The following UBR2 variants were observed in gnomAD, a reference collection of about 807,000 sequenced individuals.
The protein encoded by UBR2 is E3 ubiquitin-protein ligase UBR2.
In UBR2, 92 loss-of-function variants were observed where a neutral mutation model predicts 247.9. The ratio of observed to expected loss-of-function variants is 0.37; its 90% CI spans 0.31 to 0.44. The LOEUF is 0.44. UBR2 is among the 20% of genes least tolerant of loss of function. The pLI is 1.00. For missense variants in UBR2, 1,613 were observed against 2,112.6 expected, an observed-to-expected ratio of 0.76 and a Z score of 4.64; for synonymous variants, 672 against 693.5, an observed-to-expected ratio of 0.97 and a Z score of 0.49.
chr6:42,613,151 G>T (rs756252127), intron 8 of UBR2, among the ~76,000 whole-genome samples: 1 of 151,734 alleles, frequency 6.6e-6, no homozygotes, highest in African/African-American at 2.4e-5. Flanking sequence ...TTCTCTTTAT[G>T]TAATGGTAAG....
chr6:42,683,028 GT>G (rs34240626), intron 42 of UBR2, 26 bp from the exon 43 acceptor site: 3 of 1,603,038 alleles, frequency 1.9e-6, no homozygotes, highest in Non-Finnish European at 1.7e-6. Flanking sequence ...AGTGTTTTGT[GT>G]TTTTCCCCCT....
chr6:42,605,598 T>C (rs1286813749), intron 5 of UBR2, 123 bp from the exon 6 acceptor site: 2 of 785,030 alleles, frequency 2.5e-6, no homozygotes, highest in East Asian at 5.7e-5. Flanking sequence ...CACAGATGAA[T>C]TCTTTACAGA....
chr6:42,566,819 C>T (rs1790807924), intron 1 of UBR2, among the ~76,000 whole-genome samples: 1 of 151,930 alleles, frequency 6.6e-6, no homozygotes, highest in Non-Finnish European at 1.5e-5. Flanking sequence ...GCAGCCTTGA[C>T]CTCCTAGGCT....
chr6:42,651,969 G>C, intron 23 of UBR2, 54 bp from the exon 24 acceptor site: 1 of 1,503,088 alleles, frequency 6.7e-7, no homozygotes, highest in Admixed American at 2.2e-5. Context: ...AATTAACCAG[G>C]TGTGGTGGTG....
At chr6:42,671,917 A>C (rs947829734) in intron 36 of UBR2, among the ~76,000 whole-genome samples, 1 of 152,062 alleles carries the variant, frequency 6.6e-6, no homozygotes, top group African/African-American at 2.4e-5. Flanking sequence ...ATCTCTGCCT[A>C]TTTTTTTAAC....
intron 4 of UBR2, among the ~76,000 whole-genome samples, chr6:42,598,511 C>T (rs563604627): frequency 1.1e-4 from 17 of 152,256 alleles, no homozygotes; most frequent in Admixed American, 4.6e-4. Context: ...ATGTCACTAG[C>T]ATCTTCCACT....
At chr6:42,668,564 C>T (rs1329880835) in intron 34 of UBR2, among the ~76,000 whole-genome samples, 1 of 152,032 alleles carries the variant, frequency 6.6e-6, no homozygotes, top group Non-Finnish European at 1.5e-5. Context: ...CTCAGCCTCC[C>T]AAGTAGCTGG....
Position 42,564,162 on chromosome 6 carries a change from C to T in UBR2, c.-158C>T. 1 of 774,048 alleles carries T rather than the reference C, an allele frequency of 1.3e-6. No individual in the cohort carries two copies. Among genetic ancestry groups the T allele is most frequent in the African/African-American group, 1.8e-5 (1 of 55,192 alleles). The allele number at this position is 774,048 out of a possible 1,614,324, so 47.9% of individuals were successfully genotyped here. A position where few individuals can be genotyped will look rare whatever the true frequency, so the allele number is the denominator to read the frequency against. On this transcript the variant is annotated 5_prime_UTR_variant, in exon 1 of 47. Transcript: ENST00000372901. ...AGGCCGCTGTCCTTCCTTTCCGGTT[C>T]ACGTCACCCTTCTCTCCCTCTGTTG...
intron 42 of UBR2, 127 bp from the exon 43 acceptor site, chr6:42,682,928 C>G (rs983211981): frequency 6.7e-6 from 5 of 742,822 alleles, no homozygotes; most frequent in South Asian, 3.7e-5. Context: ...CTACAGGTTT[C>G]TTTTGATGAA....
intron 34 of UBR2, among the ~76,000 whole-genome samples, chr6:42,666,890 C>G (rs1016483882): frequency 6.6e-6 from 1 of 152,182 alleles, no homozygotes; most frequent in African/African-American, 2.4e-5. Context: ...AGCTGTGCAA[C>G]TTTGGGCAAA....
intron 7 of UBR2, among the ~76,000 whole-genome samples, chr6:42,609,111 G>C (rs115243223): frequency 6.6e-6 from 1 of 152,288 alleles, no homozygotes; most frequent in African/African-American, 2.4e-5. Context: ...AAAATATCTT[G>C]AAGAGATGCA....
At chr6:42,674,055 A>G in intron 37 of UBR2, 71 bp from the exon 38 acceptor site, 1 of 1,497,920 alleles carries the variant, frequency 6.7e-7, no homozygotes, top group Non-Finnish European at 9.1e-7. Flanking sequence ...AGATAAATTT[A>G]AAGCAGATTA....
intron 39 of UBR2, among the ~76,000 whole-genome samples, 162 bp downstream of exon 39, chr6:42,676,353 C>T (rs1262207859): frequency 6.6e-6 from 1 of 152,096 alleles, no homozygotes; most frequent in Non-Finnish European, 1.5e-5. Flanking sequence ...ATTTCTTTCT[C>T]CTCTTAAAAT....
At chr6:42,647,327 A>G (rs1259620623) in intron 21 of UBR2, among the ~76,000 whole-genome samples, 1 of 151,330 alleles carries the variant, frequency 6.6e-6, no homozygotes, top group Non-Finnish European at 1.5e-5. Flanking sequence ...CACGCCTGTA[A>G]TCCCAACACT....
chr6:42,606,765 G>A, intron 7 of UBR2, 114 bp downstream of exon 7: 4 of 805,024 alleles, frequency 5.0e-6, no homozygotes, highest in Non-Finnish European at 7.6e-6. Flanking sequence ...CAAAAATTAT[G>A]TTTAAAGATA....
rs187961180 is a variant in UBR2 at position 42,658,184 on chromosome 6, T to A, written c.2982+51T>A. 7.0e-4 allele frequency: 1,121 copies of A among 1,610,748 alleles called. 1 individual carries two copies. The highest frequency in any genetic ancestry group is 1.0e-3 in the Admixed American group (61 of 59,866). ...TTTGTGAGAAATATTGAATATTTGT[T>A]ATGTGTACATTGTGATCATATTTCA... On this transcript the variant is annotated intron_variant, in intron 27 of 46. Coordinates refer to ENST00000372901, the MANE Select transcript of UBR2 (RefSeq NM_001363705.2).
At chr6:42,593,229 C>A (rs1792778425) in intron 3 of UBR2, among the ~76,000 whole-genome samples, 1 of 152,072 alleles carries the variant, frequency 6.6e-6, no homozygotes, top group African/African-American at 2.4e-5. Context: ...TACTTATATT[C>A]TTGTCTGTTC....
intron 30 of UBR2, among the ~76,000 whole-genome samples, chr6:42,661,433 C>T (rs568777843): frequency 6.6e-6 from 1 of 152,282 alleles, no homozygotes; most frequent in East Asian, 1.9e-4. Flanking sequence ...GACATTTGCA[C>T]TGTTCTAGTG....
At chr6:42,573,064 A>G (rs1337231804) in intron 1 of UBR2, among the ~76,000 whole-genome samples, 2 of 152,252 alleles carry the variant, frequency 1.3e-5, no homozygotes, top group Middle Eastern at 6.8e-3. Context: ...AGGGGAGATC[A>G]TGCATTCAGT....
Sources: gnomAD v4.1 joint callset for allele counts (sites outside exome capture counted in the v4.1 genomes callset) on GRCh38, gnomAD v4.1.1 for gene constraint, MANE v1.5 for transcripts, NCBI Gene and HGNC (gene_info 2026-07-23, HGNC 2026-07-21) for gene names.